Variants in CRYBG2 observed in about 807,000 individuals in gnomAD.
The protein encoded by CRYBG2 is beta/gamma crystallin domain-containing protein 2.
A neutral mutation model predicts 153.4 loss-of-function variants in CRYBG2; 106 were observed. That is an observed-to-expected ratio of 0.69 (90% CI 0.59 to 0.81). The LOEUF (loss-of-function observed/expected upper bound fraction) is 0.81. Among genes scored for constraint, CRYBG2 ranks in the 30% least tolerant of loss-of-function variants. The pLI, the probability that CRYBG2 is intolerant of heterozygous loss-of-function variation, is 0.00. For synonymous variants in CRYBG2, 851 were observed against 877.8 expected (o/e 0.97, Z 0.54); for missense variants, 1,996 against 2,112.0 (o/e 0.95, Z 1.08).
Position 26,346,424 on chromosome 1 carries a change from G to C in CRYBG2, c.234C>G (p.Cys78Trp), listed in dbSNP as rs2074221993. 1.6e-5 allele frequency: 26 copies of C among 1,601,254 alleles called. No individual in the cohort carries two copies. The highest frequency in any genetic ancestry group is 2.2e-5 in the Non-Finnish European group (26 of 1,179,644). The stretch of plus-strand genomic sequence containing the variant: ...AGCCAGCTGTATCCCGAGGGCCCTG[G>C]CAATTCACAGTCTCTTCTTCCTGTG... ...FATQEEETVN[C>W]QGPRDTAGSK... Residue 78 changes from cysteine to tryptophan, a missense_variant, in exon 2 of 20, where the codon TGC becomes TGG. By Grantham distance (215) the Cys-to-Trp change is radical. Transcript: ENST00000308182. This position sits in a 1 kb window ranked among gnomAD's most constrained non-coding sequence, Gnocchi z 4.9.
intron 1 of CRYBG2, among the ~76,000 whole-genome samples, chr1:26,348,861 A>G (rs1335058072): frequency 2.0e-5 from 3 of 151,368 alleles, no homozygotes; most frequent in Middle Eastern, 3.2e-3. Context: ...CGGCCTAAAA[A>G]AAGTTTTTAA....
rs754192952 is a variant in CRYBG2 at position 26,343,840 on chromosome 1, C to T, written c.2818G>A (p.Gly940Arg). The change falls in exon 2 of 20, where the codon GGG (glycine) becomes AGG (arginine). Residue 940 changes from glycine (G) to arginine (R), a missense_variant. By Grantham distance (125) the Gly-to-Arg change is moderately radical (BLOSUM62 -2). Transcript: ENST00000308182. The surrounding 1 kb of genome is among the most constrained non-coding windows in gnomAD (Gnocchi z 4.1). The stretch of plus-strand genomic sequence containing the variant: ...AACTGTCCTGGCACCTTCCTGAGCC[C>T]CGGTGCCCCATGGGGCAGCAGAGCA... Reference protein sequence around the residue: ...LSALLPHGAPGLRKVPGQLPL... With the variant: ...LSALLPHGAPRLRKVPGQLPL... The T allele has an allele frequency of 2.0e-6, 3 of 1,472,954 alleles. No homozygotes were observed. In the African/African-American group the frequency reaches 4.3e-5, roughly 21 times the overall value. 91.2% of individuals were successfully genotyped at this position (1,472,954 alleles called of 1,614,324 possible). A position where few individuals can be genotyped will look rare whatever the true frequency, so the allele number is the denominator to read the frequency against.
At chr1:26,328,555 G>T in intron 16 of CRYBG2, 179 bp downstream of exon 16, 1 of 1,143,172 alleles carries the variant, frequency 8.7e-7, no homozygotes, top group Non-Finnish European at 1.2e-6. Flanking sequence ...CCAAGCTGGG[G>T]TCTAAGCCCT....
At chr1:26,353,989 A>G (rs1420941760) in intron 1 of CRYBG2, 47 bp downstream of exon 1, 2 of 399,246 alleles carry the variant, frequency 5.0e-6, no homozygotes, top group Non-Finnish European at 8.8e-6. Flanking sequence ...GTCTCAAGAC[A>G]GGGCAGCCAG....
chr1:26,330,184 C>T (rs2073982612), intron 15 of CRYBG2, among the ~76,000 whole-genome samples: 1 of 152,170 alleles, frequency 6.6e-6, no homozygotes, highest in South Asian at 2.1e-4. Flanking sequence ...CCATGTTATG[C>T]TAAGTGCTTT....
intron 5 of CRYBG2, among the ~76,000 whole-genome samples, chr1:26,341,864 GC>G (rs771789379): frequency 9.2e-5 from 14 of 152,260 alleles, no homozygotes; most frequent in African/African-American, 3.1e-4. Flanking sequence ...GGAAATCACA[GC>G]CCTTCTTGGT....
chr1:26,353,569 A>G (rs1307458366), intron 1 of CRYBG2, among the ~76,000 whole-genome samples: 1 of 152,184 alleles, frequency 6.6e-6, no homozygotes, highest in East Asian at 1.9e-4. Context: ...TGGCACCCCC[A>G]GTCTCTGGAG....
chr1:26,336,814 C>G lies in CRYBG2; in HGVS notation c.3911+27G>C. 6.4e-7 allele frequency: 1 copy of G among 1,570,150 alleles called. No homozygotes were observed. The highest frequency in any genetic ancestry group is 2.4e-5 in the East Asian group (1 of 41,646). On this transcript the variant is annotated intron_variant, in intron 11 of 19. Coordinates refer to ENST00000308182, the MANE Select transcript of CRYBG2 (RefSeq NM_001039775.4). The surrounding 1 kb of genome is among the most constrained non-coding windows in gnomAD (Gnocchi z 4.9). Reference sequence around the variant, plus strand: ...CCGCCCCCGGCTCGCCCGGGCCCGCCCCGCTCCCGGAGCCCGGGTCACTTA... The same window carrying G: ...CCGCCCCCGGCTCGCCCGGGCCCGCGCCGCTCCCGGAGCCCGGGTCACTTA...
chr1:26,344,609 C>T lies in CRYBG2; in HGVS notation c.2049G>A (p.Gln683=). Residue 683 remains glutamine, a synonymous_variant, in exon 2 of 20, where the codon CAG becomes CAA. Coordinates refer to ENST00000308182, the MANE Select transcript of CRYBG2 (RefSeq NM_001039775.4). ...TSLPKQDKGV[Q]DSEGSPISSL... ...ATGAGATGGGGCTCCCTTCAGAGTC[C>T]TGGACCCCCTTATCCTGTTTGGGGA... 7.2e-6 allele frequency: 11 copies of T among 1,536,454 alleles called. No individual in the cohort carries two copies. Among genetic ancestry groups the T allele is most frequent in the Non-Finnish European group, 9.6e-6 (11 of 1,146,892 alleles).
At position 26,336,639 on chromosome 1, in the gene CRYBG2, G is replaced by A. The variant is rs377702772; in HGVS notation, c.4005C>T (p.Asn1335=). ...YRNCEDWGAG[N]STLASLQPVL... is the part of the protein sequence containing the mutation. ...CCGGCTGCAGCGAGGCGAGGGTGCT[G>A]TTGCCAGCGCCCCAGTCCTCGCAGT... Residue 1335 remains asparagine, a synonymous_variant, in exon 12 of 20, where the codon AAC becomes AAT. Transcript: ENST00000308182. The surrounding 1 kb of genome is among the most constrained non-coding windows in gnomAD (Gnocchi z 4.9). The A allele has an allele frequency of 2.6e-6, 4 of 1,550,570 alleles. No individual in the cohort carries two copies. The highest frequency in any genetic ancestry group is 3.5e-6 in the Non-Finnish European group (4 of 1,146,924).
Position 26,345,759 on chromosome 1 carries a change from G to A in CRYBG2, c.899C>T (p.Ala300Val). 1 of 1,597,444 alleles carries A rather than the reference G, an allele frequency of 6.3e-7. No homozygotes were observed. Among genetic ancestry groups the A allele is most frequent in the Non-Finnish European group, 8.5e-7 (1 of 1,179,238 alleles). The change falls in exon 2 of 20, where the codon GCT becomes GTT. Residue 300 changes from alanine to valine, a missense_variant. Transcript: ENST00000308182. Reference protein sequence around the residue: ...ALASTGIPASAHLPKNQDAPA... With the variant: ...ALASTGIPASVHLPKNQDAPA... ...GGCATCCTGATTCTTAGGCAGGTGA[G>A]CACTGGCTGGGATGCCTGTAGAGGC...
Position 26,344,265 on chromosome 1 carries a change from G to A in CRYBG2, c.2393C>T (p.Ala798Val). 2 of 1,533,294 alleles carry A rather than the reference G, an allele frequency of 1.3e-6. No homozygotes were observed. Among genetic ancestry groups the A allele is most frequent in the Non-Finnish European group, 1.7e-6 (2 of 1,144,624 alleles). The allele number at this position is 1,533,294 out of a possible 1,614,324, so 95.0% of individuals were successfully genotyped here. Residue 798 changes from alanine (A) to valine (V), a missense_variant, in exon 2 of 20, where the codon GCC becomes GTC. Physicochemically the swap from Ala to Val is moderately conservative, Grantham distance 64. Coordinates refer to ENST00000308182, the MANE Select transcript of CRYBG2 (RefSeq NM_001039775.4). ...APRSSYLSMY[A>V]TLPAIEEDQL... ...GTCCTCCTCAATGGCAGGCAGCGTG[G>A]CGTACATGGACAGGTAGGAGGAGCG...
At position 26,337,126 on chromosome 1, in the gene CRYBG2, T is replaced by G; in HGVS notation, c.3771+127A>C. The G allele has an allele frequency of 1.9e-6, 3 of 1,551,456 alleles. No individual in the cohort carries two copies. The South Asian group carries it at 3.6e-5, about 19-fold the overall frequency. On this transcript the variant is annotated intron_variant, in intron 10 of 19. Coordinates refer to ENST00000308182, the MANE Select transcript of CRYBG2 (RefSeq NM_001039775.4). The stretch of plus-strand genomic sequence containing the variant: ...AGAAGAGCAGCAGGGGAAGAGAGGC[T>G]AGACCTCTGGGAACACTTACAGGGA...
rs2073955124 is a variant in CRYBG2, at chr1:26,328,203, A to AC, written c.4578+5dup. ...AGACACGCTCAGCTCCAGCCACGCT[A>AC]CCCACCTGCTTGATGGGGTAGAGGG... On this transcript the variant is annotated splice_donor_region_variant and intron_variant, in intron 17 of 19. Coordinates refer to ENST00000308182, the MANE Select transcript of CRYBG2 (RefSeq NM_001039775.4). The AC allele has an allele frequency of 6.4e-7, 1 of 1,562,006 alleles. No individual in the cohort carries two copies. Among genetic ancestry groups the AC allele is most frequent in the African/African-American group, 1.4e-5 (1 of 73,358 alleles).
intron 8 of CRYBG2, 125 bp downstream of exon 8, chr1:26,337,886 TC>T (rs1557710962): frequency 7.4e-7 from 1 of 1,358,412 alleles, no homozygotes. Context: ...TCAGGTCCCA[TC>T]CCCCCAGACC....
Position 26,337,315 on chromosome 1 carries a change from G to T in CRYBG2, c.3709C>A (p.Pro1237Thr), listed in dbSNP as rs2074073404. 1 of 1,613,946 alleles carries T rather than the reference G, an allele frequency of 6.2e-7. No individual in the cohort carries two copies. The highest frequency in any genetic ancestry group is 1.7e-5 in the Admixed American group (1 of 59,992). The change falls in exon 10 of 20, where the codon CCA becomes ACA. Residue 1237 changes from proline to threonine, a missense_variant. By Grantham distance (38) the Pro-to-Thr change is conservative (BLOSUM62 -1). Transcript: ENST00000308182. Reference protein sequence around the residue: ...HQYLLEEGEYPDWSHWGGYDE... With the variant: ...HQYLLEEGEYTDWSHWGGYDE... ...TAGCCTCCCCAGTGTGACCAGTCTG[G>T]GTATTCCCCCTCCTCCAGCAGATAC... is the stretch of plus-strand genomic sequence containing the variant.
At position 26,337,863 on chromosome 1, in the gene CRYBG2, C is replaced by A. The variant is rs539334109; in HGVS notation, c.3507+149G>T. ...CCTTCTTACACATCAAAAGCCAGTT[C>A]CCAGTGAGCCCATCAGGTCCCATCC... On this transcript the variant is annotated intron_variant, in intron 8 of 19. Transcript: ENST00000308182. 6.5e-5 allele frequency: 83 copies of A among 1,274,850 alleles called. 1 individual carries two copies. In the South Asian group the frequency reaches 1.1e-3, roughly 17 times the overall value. 79.0% of individuals were successfully genotyped at this position (1,274,850 alleles called of 1,614,324 possible).
chr1:26,338,812 A>G (rs1393144048), intron 6 of CRYBG2, among the ~76,000 whole-genome samples: 1 of 152,106 alleles, frequency 6.6e-6, no homozygotes, highest in Non-Finnish European at 1.5e-5. Flanking sequence ...AGTTCTTCCC[A>G]CTTGTTGCTT....
At position 26,339,335 on chromosome 1, in the gene CRYBG2, A is replaced by G; in HGVS notation, c.3299T>C (p.Leu1100Pro). ...AGATGCCACCTGCAGGGGCTTCTCC[A>G]GACCCTGGGAATTCTTCAAGGCCTC... The part of the protein sequence containing the change: ...LTEALKNSQG[L>P]EKPLQVASAT... The change falls in exon 6 of 20, where the codon CTG (leucine) becomes CCG (proline). Residue 1100 changes from leucine to proline, a missense_variant. Coordinates refer to ENST00000308182, the MANE Select transcript of CRYBG2 (RefSeq NM_001039775.4). 1 of 1,614,222 alleles carries G rather than the reference A, an allele frequency of 6.2e-7. No homozygotes were observed. The highest frequency in any genetic ancestry group is 8.5e-7 in the Non-Finnish European group (1 of 1,180,038).
Sources: allele counts gnomAD v4.1 joint callset (sites outside exome capture counted in the v4.1 genomes callset), GRCh38; gene constraint gnomAD v4.1.1; non-coding constraint Gnocchi (gnomAD v3.1); transcripts MANE v1.5; gene names NCBI Gene and HGNC (gene_info 2026-07-23, HGNC 2026-07-21).